The following DPYSL4 variants were observed in gnomAD, a reference collection of about 807,000 sequenced individuals.
DPYSL4 encodes the protein dihydropyrimidinase-related protein 4.
DPYSL4 carries 43 observed loss-of-function variants against 63.4 expected under a neutral mutation model. That is an observed-to-expected ratio of 0.68 (90% confidence interval 0.53 to 0.88). The LOEUF is 0.88. Ranked by LOEUF, DPYSL4 falls within the 40% of genes least tolerant of loss-of-function variation. DPYSL4 has a pLI of 0.00. For synonymous variants in DPYSL4, 353 were observed against 331.7 expected (o/e 1.06, Z -0.70); for missense variants, 733 against 819.5 (o/e 0.89, Z 1.29).
At chr10:132,204,216 C>A (rs1463290787) in intron 13 of DPYSL4, among the ~76,000 whole-genome samples, 1 of 152,208 alleles carries the variant, frequency 6.6e-6, no homozygotes, top group Non-Finnish European at 1.5e-5. Flanking sequence ...GAGCATGGAT[C>A]CAGCCTCAGG....
intron 1 of DPYSL4, among the ~76,000 whole-genome samples, chr10:132,189,422 C>T (rs142271222): frequency 2.5e-4 from 38 of 152,352 alleles, no homozygotes; most frequent in African/African-American, 7.5e-4. Flanking sequence ...TTCTGCTTCC[C>T]GGCCATCTGG....
In DPYSL4 at chr10:132,197,075, G is replaced by A; in HGVS notation, c.595G>A (p.Ala199Thr). 4 of 1,550,956 alleles carry A rather than the reference G, an allele frequency of 2.6e-6. No individual in the cohort carries two copies. Among genetic ancestry groups the A allele is most frequent in the South Asian group, 1.2e-5 (1 of 83,426 alleles). Residue 199 changes from alanine to threonine, a missense_variant, in exon 6 of 14, where the codon GCT (alanine) becomes ACT (threonine). By Grantham distance (58) the Ala-to-Thr change is moderately conservative. Transcript: ENST00000338492. ...RDLGALAQVH[A>T]ENGDIVEEEQ... ...CCTGGGGGCCTTGGCCCAGGTGCAC[G>A]CTGAGAACGGGGACATCGTGGAGGA...
At chr10:132,199,408 G>A (rs112846916) in intron 8 of DPYSL4, among the ~76,000 whole-genome samples, 1,870 of 152,052 alleles carry the variant, frequency 0.012, 43 homozygotes, top group African/African-American at 0.041. Context: ...AGGCCTGGGC[G>A]GGGGGGTGCC....
Position 132,204,950 on chromosome 10 carries a change from T to A in DPYSL4, c.*20T>A, listed in dbSNP as rs1419119804. The A allele has an allele frequency of 1.3e-6, 2 of 1,597,376 alleles. No individual in the cohort carries two copies. The highest frequency in any genetic ancestry group is 1.7e-6 in the Non-Finnish European group (2 of 1,170,832). On this transcript the variant is annotated 3_prime_UTR_variant, in exon 14 of 14. Transcript: ENST00000338492. ...TCCTAGACGCCCAGGACCGGCCCTG[T>A]GAGCCGTGCTGGCCCCACCCGAGGC...
intron 9 of DPYSL4, 100 bp downstream of exon 9, chr10:132,200,612 G>A: frequency 6.7e-7 from 1 of 1,497,284 alleles, no homozygotes; most frequent in Non-Finnish European, 9.0e-7. Flanking sequence ...GCTCCCATAG[G>A]GCAGCCCGGA....
At chr10:132,200,710 C>T in intron 9 of DPYSL4, 132 bp from the exon 10 acceptor site, 1 of 1,375,402 alleles carries the variant, frequency 7.3e-7, no homozygotes, top group Non-Finnish European at 9.7e-7. Context: ...CACAGAGGCA[C>T]CAGCTCTGCC....
Position 132,205,003 on chromosome 10 carries a change from C to A in DPYSL4, c.*73C>A, listed in dbSNP as rs925289738. On this transcript the variant is annotated 3_prime_UTR_variant, in exon 14 of 14. Coordinates refer to ENST00000338492, the MANE Select transcript of DPYSL4 (RefSeq NM_006426.3). The stretch of plus-strand genomic sequence containing the variant: ...CGGGGGCCCCAGGGCACTCGCCCCC[C>A]TCCTTAGCATTTTCTTTTGTAGAAG... 3.2e-6 allele frequency: 4 copies of A among 1,234,160 alleles called. No homozygotes were observed. The highest frequency in any genetic ancestry group is 2.5e-5 in the East Asian group (1 of 40,122). The allele number at this position is 1,234,160 out of a possible 1,614,324, so 76.5% of individuals were successfully genotyped here. A position where few individuals can be genotyped will look rare whatever the true frequency, so the allele number is the denominator to read the frequency against.
intron 8 of DPYSL4, among the ~76,000 whole-genome samples, 169 bp downstream of exon 8, chr10:132,199,140 G>T (rs1465464155): frequency 6.6e-6 from 1 of 152,176 alleles, no homozygotes; most frequent in African/African-American, 2.4e-5. Flanking sequence ...CATCGGGGCA[G>T]GGGCTGGACC....
At chr10:132,189,094 T>G (rs2061840212) in intron 1 of DPYSL4, among the ~76,000 whole-genome samples, 1 of 152,264 alleles carries the variant, frequency 6.6e-6, no homozygotes, top group South Asian at 2.1e-4. Flanking sequence ...GGCTTCAGAC[T>G]GACGGTGCGT....
At chr10:132,203,684 C>T in intron 12 of DPYSL4, 78 bp from the exon 13 acceptor site, 1 of 1,323,034 alleles carries the variant, frequency 7.6e-7, no homozygotes, top group Non-Finnish European at 1.0e-6. Context: ...TGCTCAGCCC[C>T]TCATGCCCCA....
At chr10:132,199,566 C>T (rs1348938209) in intron 8 of DPYSL4, among the ~76,000 whole-genome samples, 1 of 151,952 alleles carries the variant, frequency 6.6e-6, no homozygotes, top group Non-Finnish European at 1.5e-5. Flanking sequence ...AATGAGGGGG[C>T]ATCCCCTAGG....
At chr10:132,192,359 G>A (rs556024050) in intron 2 of DPYSL4, 29 of 1,049,888 alleles carry the variant, frequency 2.8e-5, no homozygotes, top group Middle Eastern at 8.8e-4. Flanking sequence ...ACCTGCTTCC[G>A]TTTGTCAAGC....
At chr10:132,197,986 C>T (rs1437122220) in intron 6 of DPYSL4, among the ~76,000 whole-genome samples, 1 of 152,196 alleles carries the variant, frequency 6.6e-6, no homozygotes, top group Admixed American at 6.5e-5. Context: ...TTCCCTGACA[C>T]GAGCGGATGC....
chr10:132,198,557 C>A, intron 7 of DPYSL4, 74 bp downstream of exon 7: 1 of 1,442,682 alleles, frequency 6.9e-7, no homozygotes, highest in South Asian at 1.2e-5. Context: ...CTGTGCTGAC[C>A]CTGGCCCTGG....
Position 132,203,916 on chromosome 10 carries a change from T to G in DPYSL4, c.1616T>G (p.Phe539Cys). The G allele has an allele frequency of 6.2e-7, 1 of 1,602,444 alleles. No homozygotes were observed. Among genetic ancestry groups the G allele is most frequent in the Non-Finnish European group, 8.5e-7 (1 of 1,171,352 alleles). Residue 539 changes from phenylalanine (F) to cysteine (C), a missense_variant, in exon 13 of 14, where the codon TTC becomes TGC. By Grantham distance (205) the Phe-to-Cys change is radical. Transcript: ENST00000338492. ...GTGCGCAACCTACATCAGTCGGGGT[T>G]CAGCCTATCTGGTGAGTTGGGCCTG... Reference protein sequence around the residue: ...PPVRNLHQSGFSLSGSQADDH... With the variant: ...PPVRNLHQSGCSLSGSQADDH...
intron 7 of DPYSL4, 114 bp downstream of exon 7, chr10:132,198,597 G>T: frequency 8.5e-7 from 1 of 1,180,548 alleles, no homozygotes; most frequent in South Asian, 1.4e-5. Context: ...TGCTCGCCCC[G>T]ACCTCATCTG....
chr10:132,199,917 C>A (rs1380458844), intron 8 of DPYSL4, among the ~76,000 whole-genome samples: 1 of 152,024 alleles, frequency 6.6e-6, no homozygotes, highest in African/African-American at 2.4e-5. Context: ...CGGGGGGTGC[C>A]CCACCCCACC....
rs80098106 is a variant in DPYSL4, at chr10:132,191,166, C to T, written c.128+331C>T. Among the ~76,000 whole-genome samples the T allele has an allele frequency of 6.6e-5, 6 of 91,156 alleles. 1 individual carries two copies. Among genetic ancestry groups the T allele is most frequent in the Admixed American group, 1.3e-4 (1 of 7,948 alleles). 59.8% of individuals were successfully genotyped at this position (91,156 alleles called of 152,430 possible). A position where few individuals can be genotyped will look rare whatever the true frequency, so the allele number is the denominator to read the frequency against. On this transcript the variant is annotated intron_variant, in intron 2 of 13. Coordinates refer to ENST00000338492, the MANE Select transcript of DPYSL4 (RefSeq NM_006426.3). ...CCACCTCTTGTGTACACACTGGTCA[C>T]GTGGTATCCAGGCAGTTGAAAGTAT... is the stretch of plus-strand genomic sequence containing the variant.
At position 132,202,046 on chromosome 10, in the gene DPYSL4, G is replaced by A. The variant is rs1402058651; in HGVS notation, c.1211G>A (p.Gly404Asp). The stretch of plus-strand genomic sequence containing the variant: ...CCAAGGAAGGGGCGAGTGGCTGTGG[G>A]CTCTGACGCTGACCTGGTCATATGG... Reference protein sequence around the residue: ...FYPRKGRVAVGSDADLVIWNP... With the variant: ...FYPRKGRVAVDSDADLVIWNP... The change falls in exon 11 of 14, where the codon GGC becomes GAC. Residue 404 changes from glycine to aspartate, a missense_variant. By Grantham distance (94) the Gly-to-Asp change is moderately conservative. Transcript: ENST00000338492. The A allele has an allele frequency of 6.2e-7, 1 of 1,612,952 alleles. No individual in the cohort carries two copies. Among genetic ancestry groups the A allele is most frequent in the Admixed American group, 1.7e-5 (1 of 59,986 alleles).
Sources: allele counts gnomAD v4.1 joint callset (sites outside exome capture counted in the v4.1 genomes callset), GRCh38; gene constraint gnomAD v4.1.1; transcripts MANE v1.5; gene names NCBI Gene and HGNC (gene_info 2026-07-23, HGNC 2026-07-21).